The following CLCN3 variants were observed in gnomAD, a reference collection of about 807,000 sequenced individuals.
The protein encoded by CLCN3 is H(+)/Cl(-) exchange transporter 3.
In CLCN3, 16 loss-of-function variants were observed where a neutral mutation model predicts 83.4. The observed-to-expected ratio is 0.19, with a 90% CI of 0.13 to 0.29. The LOEUF is 0.29. CLCN3 is among the 10% of genes least tolerant of loss of function. The probability of loss-of-function intolerance (pLI) is 1.00; values close to 1 mark genes in which losing one functional copy is unlikely to be tolerated. For synonymous variants in CLCN3, 322 were observed against 346.2 expected, an observed-to-expected ratio of 0.93 and a Z score of 0.78; for missense variants, 544 against 1,006.0, an observed-to-expected ratio of 0.54 and a Z score of 6.21.
intron 2 of CLCN3, among the ~76,000 whole-genome samples, chr4:169,671,566 T>C (rs1308783694): frequency 6.6e-6 from 1 of 152,208 alleles, no homozygotes; most frequent in African/African-American, 2.4e-5. Context: ...TGCACCTATG[T>C]AACAAACCTG....
At chr4:169,672,220 T>TGATTGATA (rs1553968500) in intron 2 of CLCN3, among the ~76,000 whole-genome samples, 3 of 145,496 alleles carry the variant, frequency 2.1e-5, no homozygotes, top group African/African-American at 7.7e-5. Flanking sequence ...TCAAAATAAA[T>TGATTGATA]GATAGATAGA....
At chr4:169,718,798 T>A (rs903848255) in intron 12 of CLCN3, among the ~76,000 whole-genome samples, 6 of 152,182 alleles carry the variant, frequency 3.9e-5, no homozygotes, top group Non-Finnish European at 7.3e-5. Flanking sequence ...CATCCTTTTT[T>A]AAAAAACTAC....
intron 2 of CLCN3, among the ~76,000 whole-genome samples, chr4:169,647,571 G>A (rs1406907842): frequency 6.6e-6 from 1 of 152,000 alleles, no homozygotes; most frequent in Non-Finnish European, 1.5e-5. Context: ...GAGGAACACA[G>A]GAACTTACCT....
chr4:169,697,787 A>C, intron 9 of CLCN3, 53 bp downstream of exon 9: 1 of 1,170,198 alleles, frequency 8.5e-7, no homozygotes, highest in Admixed American at 2.0e-5. Context: ...TTCAAAACTT[A>C]TATGTGGAAT....
rs182553077 is a variant in CLCN3 at position 169,623,929 on chromosome 4, T to G, written c.-17+2866T>G. The stretch of plus-strand genomic sequence containing the variant: ...TCCATTCATCATAGATCCTTTTAGA[T>G]ATCTCTAATATCGACCTTAAATGCA... On this transcript the variant is annotated intron_variant, in intron 1 of 12. Transcript: ENST00000513761. 6.1e-3 allele frequency among the ~76,000 whole-genome samples: 922 copies of G among 152,346 alleles called. 6 individuals are homozygous for G. Among genetic ancestry groups the G allele is most frequent in the Non-Finnish European group, 7.7e-3 (523 of 68,030 alleles).
chr4:169,693,232 T>G (rs1732438891), intron 7 of CLCN3, among the ~76,000 whole-genome samples: 1 of 152,224 alleles, frequency 6.6e-6, no homozygotes, highest in Non-Finnish European at 1.5e-5. Context: ...ATGTTCGCAT[T>G]AAAATATTGT....
Position 169,697,504 on chromosome 4 carries a change from A to G in CLCN3, c.1333A>G (p.Asn445Asp), listed in dbSNP as rs1381933577. 6.2e-7 allele frequency: 1 copy of G among 1,614,188 alleles called. No individual in the cohort carries two copies. Residue 445 changes from asparagine to aspartate, a missense_variant, in exon 9 of 13, where the codon AAT becomes GAT. Physicochemically the swap from Asn to Asp is conservative, Grantham distance 23 (BLOSUM62 1). Around this residue, in one of 6 missense-constraint regions of CLCN3, gnomAD observed 194 missense variants for 341.4 expected, o/e 0.57. Transcript: ENST00000513761. Reference protein sequence around the residue: ...AAITAVIAFPNPYTRLNTSEL... With the variant: ...AAITAVIAFPDPYTRLNTSEL... ...CATTACTGCTGTGATAGCCTTCCCT[A>G]ATCCATACACTAGGCTAAACACCAG...
chr4:169,679,107 G>T (rs898488674), intron 2 of CLCN3, among the ~76,000 whole-genome samples: 2 of 151,262 alleles, frequency 1.3e-5, no homozygotes, highest in Non-Finnish European at 2.9e-5. Context: ...GGCGGCTGCC[G>T]GGCGGAGGGG....
intron 2 of CLCN3, chr4:169,660,107 A>G: frequency 9.4e-7 from 1 of 1,067,954 alleles, no homozygotes; most frequent in Non-Finnish European, 1.1e-6. Flanking sequence ...CATACGTAGC[A>G]GGACCTGATT....
chr4:169,661,883 G>A (rs1233136933), intron 2 of CLCN3, among the ~76,000 whole-genome samples: 1 of 152,028 alleles, frequency 6.6e-6, no homozygotes, highest in Non-Finnish European at 1.5e-5. Flanking sequence ...TAAACAGGAA[G>A]CAAGGTGAAT....
intron 2 of CLCN3, among the ~76,000 whole-genome samples, chr4:169,639,799 A>G (rs1730350951): frequency 6.6e-6 from 1 of 152,184 alleles, no homozygotes; most frequent in Non-Finnish European, 1.5e-5. Context: ...TCGTGACTCC[A>G]TATCTTTTTA....
intron 2 of CLCN3, among the ~76,000 whole-genome samples, chr4:169,640,279 G>A (rs771977247): frequency 2.0e-5 from 3 of 152,162 alleles, no homozygotes; most frequent in South Asian, 2.1e-4. Flanking sequence ...TTAATGAAAA[G>A]CTGTAGCTCT....
rs72694794 is a variant in CLCN3 at position 169,680,620 on chromosome 4, G to C, written c.318+413G>C. 554 of 154,072 alleles carry C rather than the reference G, an allele frequency of 3.6e-3. 3 individuals carry two copies. The highest frequency in any genetic ancestry group is 0.022 in the South Asian group (107 of 4,888). 9.5% of individuals were successfully genotyped at this position (154,072 alleles called of 1,614,324 possible). The stretch of plus-strand genomic sequence containing the variant: ...CTATGGAAAAAGAAGAAATCTACTG[G>C]GGGCAGATGGTCTTGTGGGATTTTG... On this transcript the variant is annotated intron_variant, in intron 3 of 12. Coordinates refer to ENST00000513761, the MANE Select transcript of CLCN3 (RefSeq NM_001829.4).
intron 5 of CLCN3, among the ~76,000 whole-genome samples, chr4:169,690,136 T>C (rs1444297861): frequency 4.3e-5 from 4 of 92,270 alleles, no homozygotes; most frequent in Non-Finnish European, 4.2e-5. Flanking sequence ...TTCTTTTCTT[T>C]CTTTTTTTTT....
chr4:169,648,901 C>G (rs1172439651), intron 2 of CLCN3, among the ~76,000 whole-genome samples: 1 of 151,916 alleles, frequency 6.6e-6, no homozygotes, highest in Non-Finnish European at 1.5e-5. Flanking sequence ...GTGGTGCACA[C>G]CTGTAATCCC....
chr4:169,720,221 C>T lies in CLCN3; in HGVS notation c.*224C>T. The T allele has an allele frequency of 1.6e-6, 1 of 631,800 alleles. No homozygotes were observed. The highest frequency in any genetic ancestry group is 2.8e-5 in the East Asian group (1 of 35,936). The allele number at this position is 631,800 out of a possible 1,614,324, so 39.1% of individuals were successfully genotyped here. Reference sequence around the variant, plus strand: ...AGAGAAGGAAAGGAGTGAGGTATTTCCCGTCTAACAGAAAGCAGCGTATCA... The same window carrying T: ...AGAGAAGGAAAGGAGTGAGGTATTTTCCGTCTAACAGAAAGCAGCGTATCA... On this transcript the variant is annotated 3_prime_UTR_variant, in exon 13 of 13. Transcript: ENST00000513761.
chr4:169,708,703 G>A (rs1335162211), intron 11 of CLCN3, among the ~76,000 whole-genome samples: 1 of 152,142 alleles, frequency 6.6e-6, no homozygotes, highest in Non-Finnish European at 1.5e-5. Context: ...CCCACTGATT[G>A]TGTGGATGTG....
chr4:169,660,652 C>T (rs1046674027), intron 2 of CLCN3, among the ~76,000 whole-genome samples: 7 of 152,212 alleles, frequency 4.6e-5, no homozygotes, highest in Non-Finnish European at 7.3e-5. Flanking sequence ...CAGATTAGTA[C>T]TGCTTCAGAT....
chr4:169,638,448 A>G (rs544145556), intron 2 of CLCN3, among the ~76,000 whole-genome samples: 2 of 152,084 alleles, frequency 1.3e-5, no homozygotes, highest in East Asian at 1.9e-4. Flanking sequence ...TTAAAATACA[A>G]TATTTTGCTG....
Sources: gnomAD v4.1 joint callset for allele counts (sites outside exome capture counted in the v4.1 genomes callset) on GRCh38, gnomAD v4.1.1 for gene constraint, gnomAD v4.1.1 regional missense constraint, MANE v1.5 for transcripts, NCBI Gene and HGNC (gene_info 2026-07-23, HGNC 2026-07-21) for gene names.